ANXA13: variants seen among roughly 807,000 people sequenced by gnomAD.
ANXA13 encodes annexin A13, also known as annexin XIII.
ANXA13 carries 36 observed loss-of-function variants against 46.6 expected under a neutral mutation model. The observed-to-expected ratio is 0.77, with a 90% confidence interval of 0.59 to 1.02. The LOEUF is 1.02. Among genes scored for constraint, ANXA13 ranks in the 50% least tolerant of loss-of-function variants. ANXA13 has a pLI of 0.00. For synonymous variants in ANXA13, 163 were observed against 152.9 expected, an observed-to-expected ratio of 1.07 and a Z score of -0.49; for missense variants, 417 against 396.5, an observed-to-expected ratio of 1.05 and a Z score of -0.44.
chr8:123,712,708 T>G lies in ANXA13; in HGVS notation c.61A>C (p.Lys21Gln), dbSNP rs779471598. Residue 21 changes from lysine (K) to glutamine (Q), a missense_variant, in exon 2 of 11, where the codon AAA becomes CAA. Lys to Gln is a moderately conservative substitution (Grantham distance 53). Transcript: ENST00000419625. ...PQGFDVDRDA[K>Q]KLNKACKGMG... ...CCTTTGCAGGCTTTGTTCAGCTTTTTGGCATCTCGATCCACATCAAAACCC... is the reference window on the plus strand; with the variant it reads ...CCTTTGCAGGCTTTGTTCAGCTTTTGGGCATCTCGATCCACATCAAAACCC... 1.2e-6 allele frequency: 2 copies of G among 1,614,238 alleles called. No homozygotes were observed. The highest frequency in any genetic ancestry group is 1.7e-6 in the Non-Finnish European group (2 of 1,180,032).
chr8:123,705,890 G>A (rs16898756), intron 2 of ANXA13, among the ~76,000 whole-genome samples: 2,650 of 152,298 alleles, frequency 0.017, 81 homozygotes, highest in African/African-American at 0.059. Flanking sequence ...TTCTGCTCCA[G>A]CACCAGCCCT....
At chr8:123,732,523 C>T (rs1432084888) in intron 1 of ANXA13, among the ~76,000 whole-genome samples, 1 of 152,196 alleles carries the variant, frequency 6.6e-6, no homozygotes, top group African/African-American at 2.4e-5. Flanking sequence ...GCTGCTGGGA[C>T]ATGCAGGATT....
rs781637892 is a variant in ANXA13 at position 123,684,789 on chromosome 8, C to A, written c.719-67G>T. On this transcript the variant is annotated intron_variant, in intron 9 of 10. Coordinates refer to ENST00000419625, the MANE Select transcript of ANXA13 (RefSeq NM_004306.4). ...TTTGTGGAATGACCTTGGGACCCCC[C>A]TAAATGTCACCTGGCTGCCCTTCGA... is the stretch of plus-strand genomic sequence containing the variant. 6 of 1,173,088 alleles carry A rather than the reference C, an allele frequency of 5.1e-6. No individual in the cohort carries two copies. The Admixed American group carries it at 8.5e-5, about 17-fold the overall frequency. The allele number at this position is 1,173,088 out of a possible 1,614,324, so 72.7% of individuals were successfully genotyped here.
At chr8:123,697,336 G>A (rs1055421690) in intron 4 of ANXA13, among the ~76,000 whole-genome samples, 2 of 152,178 alleles carry the variant, frequency 1.3e-5, no homozygotes, top group African/African-American at 4.8e-5. Context: ...GGGAAGTTGT[G>A]TGCCTCTTGG....
intron 2 of ANXA13, among the ~76,000 whole-genome samples, chr8:123,708,061 A>G (rs1158322483): frequency 1.3e-5 from 2 of 152,262 alleles, no homozygotes; most frequent in East Asian, 3.9e-4. Context: ...GTCACTGAAC[A>G]GTGACCTCAC....
At chr8:123,713,165 C>G (rs549028892) in intron 1 of ANXA13, among the ~76,000 whole-genome samples, 16 of 152,330 alleles carry the variant, frequency 1.1e-4, no homozygotes, top group African/African-American at 2.9e-4. Context: ...GCTGAGGGTT[C>G]TAGGACCTTA....
chr8:123,721,543 G>T (rs1346571854), intron 1 of ANXA13, among the ~76,000 whole-genome samples: 1 of 152,184 alleles, frequency 6.6e-6, no homozygotes, highest in Non-Finnish European at 1.5e-5. Flanking sequence ...ATCTTGACCT[G>T]ATTCCTGCTG....
chr8:123,704,838 T>C (rs893420276), intron 2 of ANXA13, among the ~76,000 whole-genome samples: 2 of 151,750 alleles, frequency 1.3e-5, no homozygotes, highest in Admixed American at 6.6e-5. Flanking sequence ...TTAAACTCGA[T>C]TTTCAGTTCT....
At chr8:123,733,853 T>C (rs1814187146) in intron 1 of ANXA13, among the ~76,000 whole-genome samples, 1 of 152,172 alleles carries the variant, frequency 6.6e-6, no homozygotes, top group South Asian at 2.1e-4. Context: ...ATCGGTGGCT[T>C]TTAGAACTCC....
intron 9 of ANXA13, among the ~76,000 whole-genome samples, chr8:123,688,572 G>A (rs531307285): frequency 6.6e-6 from 1 of 152,120 alleles, no homozygotes; most frequent in African/African-American, 2.4e-5. Flanking sequence ...GAGAGAGCTG[G>A]CTTGCCCAAA....
At chr8:123,706,438 A>G (rs1341828489) in intron 2 of ANXA13, among the ~76,000 whole-genome samples, 1 of 152,134 alleles carries the variant, frequency 6.6e-6, no homozygotes, top group African/African-American at 2.4e-5. Flanking sequence ...AGACCCACTC[A>G]CTGTACTGGG....
intron 8 of ANXA13, among the ~76,000 whole-genome samples, chr8:123,692,215 C>T (rs1375428251): frequency 1.3e-5 from 2 of 152,198 alleles, no homozygotes; most frequent in South Asian, 2.1e-4. Context: ...TTCTCATCCA[C>T]TCTCTGCTAC....
chr8:123,697,718 G>C (rs1193965406), intron 4 of ANXA13, among the ~76,000 whole-genome samples: 1 of 152,236 alleles, frequency 6.6e-6, no homozygotes. Flanking sequence ...GGTTGCTGAA[G>C]AGGGAGGGGT....
chr8:123,707,288 G>A (rs1056052186), intron 2 of ANXA13, among the ~76,000 whole-genome samples: 1 of 152,178 alleles, frequency 6.6e-6, no homozygotes, highest in Non-Finnish European at 1.5e-5. Context: ...GTGATATTCA[G>A]ATGGGTCTGT....
intron 10 of ANXA13, among the ~76,000 whole-genome samples, chr8:123,682,699 C>T (rs1203453517): frequency 3.5e-5 from 5 of 143,918 alleles, no homozygotes; most frequent in African/African-American, 1.0e-4. Context: ...CTCCTTGCCC[C>T]GTGCTGGGAC....
At chr8:123,719,926 C>T (rs181373471) in intron 1 of ANXA13, among the ~76,000 whole-genome samples, 6 of 151,882 alleles carry the variant, frequency 4.0e-5, no homozygotes, top group African/African-American at 1.2e-4. Flanking sequence ...TAGATGCATT[C>T]GTGTTTGGGA....
intron 10 of ANXA13, among the ~76,000 whole-genome samples, chr8:123,682,378 A>G (rs1314238673): frequency 6.6e-6 from 1 of 152,254 alleles, no homozygotes; most frequent in Non-Finnish European, 1.5e-5. Flanking sequence ...AATTCCAGGT[A>G]GAACATAATG....
chr8:123,681,301 T>C lies in ANXA13; in HGVS notation c.890A>G (p.Asp297Gly). The part of the protein sequence containing the change: ...FQEKYQKSLS[D>G]MVRSDTSGDF... ...CCCGGAGGTATCTGAGCGAACCATG[T>C]CAGAGAGAGACTTCTGATACTTCTC... The change falls in exon 11 of 11, where the codon GAC becomes GGC. Residue 297 changes from aspartate (D) to glycine (G), a missense_variant. Asp to Gly is a moderately conservative substitution (Grantham distance 94, BLOSUM62 -1). Coordinates refer to ENST00000419625, the MANE Select transcript of ANXA13 (RefSeq NM_004306.4). 5.6e-6 allele frequency: 9 copies of C among 1,614,236 alleles called. No individual in the cohort carries two copies. The highest frequency in any genetic ancestry group is 7.6e-6 in the Non-Finnish European group (9 of 1,180,022).
chr8:123,681,392 A>G (rs1265257772), intron 10 of ANXA13, 33 bp from the exon 11 acceptor site: 6 of 1,603,758 alleles, frequency 3.7e-6, no homozygotes, highest in Non-Finnish European at 2.6e-6. Context: ...GGAGATAAGA[A>G]CGTTTATGGT....
Sources: allele counts gnomAD v4.1 joint callset (sites outside exome capture counted in the v4.1 genomes callset), GRCh38; gene constraint gnomAD v4.1.1; transcripts MANE v1.5; gene names NCBI Gene and HGNC (gene_info 2026-07-23, HGNC 2026-07-21).